The following RSRP1 variants were observed in gnomAD, a reference collection of about 807,000 sequenced individuals.
RSRP1 encodes the protein arginine and serine rich protein 1.
In RSRP1, 37 loss-of-function variants were observed where a neutral mutation model predicts 33.0. The observed-to-expected ratio is 1.12, with a 90% CI of 0.86 to 1.48. The LOEUF (loss-of-function observed/expected upper bound fraction) is 1.48. Among genes scored for constraint, RSRP1 ranks in the 40% most tolerant of loss-of-function variants. The pLI, the probability that RSRP1 is intolerant of heterozygous loss-of-function variation, is 0.00. For synonymous variants in RSRP1, 167 were observed against 158.7 expected, an observed-to-expected ratio of 1.05 and a Z score of -0.40; for missense variants, 402 against 385.3, an observed-to-expected ratio of 1.04 and a Z score of -0.36.
rs1265222311 is a variant in RSRP1, at chr1:25,292,634, G to A, written c.-67+45344C>T. On this transcript the variant is annotated intron_variant, in intron 1 of 1. Coordinates refer to the RSRP1 transcript ENST00000561867. ...AGAGTTCAGTGTCGAATGTGGTAGC[G>A]TTAGGGTTAAGGTTGGGGGAGGGGG... 1.5e-5 allele frequency among the ~76,000 whole-genome samples: 2 copies of A among 129,450 alleles called. 1 individual carries two copies. Among genetic ancestry groups the A allele is most frequent in the Non-Finnish European group, 3.7e-5 (2 of 54,638 alleles). 84.9% of individuals were successfully genotyped at this position (129,450 alleles called of 152,430 possible). A position where few individuals can be genotyped will look rare whatever the true frequency, so the allele number is the denominator to read the frequency against.
In RSRP1 at chr1:25,242,401, CTA is replaced by C. The variant is rs1427425983; in HGVS notation, c.*186_*187del. On this transcript the variant is annotated 3_prime_UTR_variant, in exon 5 of 5. Coordinates refer to ENST00000243189, the MANE Select transcript of RSRP1 (RefSeq NM_020317.5). Reference sequence around the variant, plus strand: ...GTGCATAACCTTTGGTCCATCTGTGCTATCTCTCATATCTGCAAGAGAAACCT... The same window carrying C: ...GTGCATAACCTTTGGTCCATCTGTGCTCTCTCATATCTGCAAGAGAAACCT... The C allele has an allele frequency of 4.3e-6, 2 of 470,326 alleles. No homozygotes were observed. Among genetic ancestry groups the C allele is most frequent in the East Asian group, 3.2e-5 (1 of 30,834 alleles). 29.1% of individuals were successfully genotyped at this position (470,326 alleles called of 1,614,324 possible).
At chr1:25,271,848 G>C (rs1237211005) in intron 1 of RSRP1, among the ~76,000 whole-genome samples, 4 of 131,172 alleles carry the variant, frequency 3.0e-5, no homozygotes, top group African/African-American at 1.0e-4. Flanking sequence ...CCTAAGGCTG[G>C]ATCAGGATCC....
chr1:25,252,532 CTT>C (rs535973265), intron 1 of RSRP1, among the ~76,000 whole-genome samples: 15 of 135,786 alleles, frequency 1.1e-4, no homozygotes, highest in Admixed American at 7.6e-5. Context: ...GGACCCTGAC[CTT>C]TTTTTTTTTT....
chr1:25,332,085 A>T (rs1292586463), intron 1 of RSRP1, among the ~76,000 whole-genome samples: 2 of 116,146 alleles, frequency 1.7e-5, no homozygotes, highest in African/African-American at 5.9e-5. Context: ...CTGTTGCCCA[A>T]CCTGGAGTGC....
chr1:25,329,214 A>C, intron 1 of RSRP1: 1 of 587,562 alleles, frequency 1.7e-6, no homozygotes, highest in South Asian at 1.9e-5. Context: ...CAGTAAGCTA[A>C]GGTTAATTTA....
intron 1 of RSRP1, among the ~76,000 whole-genome samples, chr1:25,333,164 C>T (rs1489341500): frequency 7.6e-6 from 1 of 132,300 alleles, no homozygotes; most frequent in East Asian, 1.9e-4. Flanking sequence ...TCCAAGCCAA[C>T]TGCACGTTGA....
At chr1:25,306,460 T>C in intron 1 of RSRP1, 1 of 869,110 alleles carries the variant, frequency 1.2e-6, no homozygotes, top group South Asian at 1.4e-5. Context: ...CATTCAAGTC[T>C]GAGAAGGGCT....
Position 25,288,340 on chromosome 1 carries a change from C to CT in RSRP1, c.-66-41312dup, listed in dbSNP as rs1258431849. ...CACAGGCACACACCACCACACCTAG[C>CT]TTTTTTTTTTTTTGCTTTTTGTAGA... On this transcript the variant is annotated intron_variant, in intron 1 of 1. Transcript: ENST00000561867. Among the ~76,000 whole-genome samples the CT allele has an allele frequency of 9.7e-3, 1,099 of 113,482 alleles. 130 individuals carry two copies. The highest frequency in any genetic ancestry group is 0.026 in the African/African-American group (884 of 34,130). 74.4% of individuals were successfully genotyped at this position (113,482 alleles called of 152,430 possible). A position where few individuals can be genotyped will look rare whatever the true frequency, so the allele number is the denominator to read the frequency against.
chr1:25,242,653 G>T lies in RSRP1; in HGVS notation c.809C>A (p.Ala270Glu). 1.2e-6 allele frequency: 2 copies of T among 1,612,188 alleles called. No individual in the cohort carries two copies. The highest frequency in any genetic ancestry group is 1.3e-5 in the African/African-American group (1 of 75,028). Reference protein sequence around the residue: ...QKSAKAATEEASSRSPKIDQK... With the variant: ...QKSAKAATEEESSRSPKIDQK... ...ATCTATTTTTGGTGATCTTGAAGAT[G>T]CCTCTTCTGTGGCAGCTTTAGCTGA... Residue 270 changes from alanine (A) to glutamate (E), a missense_variant, in exon 5 of 5, where the codon GCA becomes GAA. Ala to Glu is a moderately radical substitution (Grantham distance 107, BLOSUM62 -1). Coordinates refer to ENST00000243189, the MANE Select transcript of RSRP1 (RefSeq NM_020317.5).
At chr1:25,312,921 A>T (rs1385768946) in intron 1 of RSRP1, among the ~76,000 whole-genome samples, 16 of 42,774 alleles carry the variant, frequency 3.7e-4, no homozygotes, top group Non-Finnish European at 4.9e-4. Flanking sequence ...TCCCATCTCT[A>T]AAAAAAAAAA....
At chr1:25,290,808 G>C (rs1642437370) in intron 1 of RSRP1, 1 of 1,375,908 alleles carries the variant, frequency 7.3e-7, no homozygotes, top group Non-Finnish European at 1.0e-6. Context: ...CATGGTGCTG[G>C]GAGGAGGGAC....
rs2124599390 is a variant in RSRP1, at chr1:25,278,125, C to A, written c.-66-31096G>T. ...CTGGTCTGGATGACCTGTGATGAGA[C>A]CAGATGGGCAGGGGCAGTGGAGGAG... On this transcript the variant is annotated intron_variant, in intron 1 of 1. Transcript: ENST00000561867. Among the ~76,000 whole-genome samples the A allele has an allele frequency of 5.4e-5, 7 of 129,418 alleles. 1 individual carries two copies. The highest frequency in any genetic ancestry group is 1.8e-4 in the African/African-American group (7 of 38,084). 84.9% of individuals were successfully genotyped at this position (129,418 alleles called of 152,430 possible). A position where few individuals can be genotyped will look rare whatever the true frequency, so the allele number is the denominator to read the frequency against.
intron 1 of RSRP1, among the ~76,000 whole-genome samples, chr1:25,304,998 T>C (rs1643685777): frequency 7.5e-6 from 1 of 132,524 alleles, no homozygotes; most frequent in Non-Finnish European, 1.8e-5. Context: ...ATTCAACACA[T>C]ACGTTTTAAC....
chr1:25,281,988 G>A lies in RSRP1; in HGVS notation c.-66-34959C>T, dbSNP rs370512341. On this transcript the variant is annotated intron_variant, in intron 1 of 1. Transcript: ENST00000561867. ...AATGAGAGCTTCTCATTGTTATCAA[G>A]GCCAGGGCTGGAGACCAGTGGCAGG... Among the ~76,000 whole-genome samples, 7 of 132,314 alleles carry A rather than the reference G, an allele frequency of 5.3e-5. 1 individual carries two copies. Among genetic ancestry groups the A allele is most frequent in the Admixed American group, 2.2e-4 (3 of 13,580 alleles). 86.8% of individuals were successfully genotyped at this position (132,314 alleles called of 152,430 possible).
chr1:25,259,794 G>A (rs1232534491), intron 1 of RSRP1, among the ~76,000 whole-genome samples: 4 of 152,038 alleles, frequency 2.6e-5, no homozygotes, highest in Non-Finnish European at 5.9e-5. Flanking sequence ...GTGAGCCACC[G>A]TGCCCAGCCT....
At chr1:25,277,009 G>A (rs1478981916) in intron 1 of RSRP1, among the ~76,000 whole-genome samples, 1 of 132,298 alleles carries the variant, frequency 7.6e-6, no homozygotes, top group African/African-American at 2.6e-5. Flanking sequence ...GGAGCTTTCA[G>A]TGAGCTGAGA....
rs1174580024 is a variant in RSRP1 at position 25,332,895 on chromosome 1, A to G, written c.-67+5083T>C. Reference sequence around the variant, plus strand: ...ATTACAGAGGCTGAGAAGTCCCACAACAGATTGTCTGCAAGCTGGAGACCC... The same window carrying G: ...ATTACAGAGGCTGAGAAGTCCCACAGCAGATTGTCTGCAAGCTGGAGACCC... On this transcript the variant is annotated intron_variant, in intron 1 of 1. Transcript: ENST00000561867. 2.6e-4 allele frequency among the ~76,000 whole-genome samples: 35 copies of G among 132,498 alleles called. 10 individuals carry two copies. Among genetic ancestry groups the G allele is most frequent in the Admixed American group, 1.1e-3 (15 of 13,620 alleles). 86.9% of individuals were successfully genotyped at this position (132,498 alleles called of 152,430 possible). A position where few individuals can be genotyped will look rare whatever the true frequency, so the allele number is the denominator to read the frequency against.
upstream of RSRP1, among the ~76,000 whole-genome samples, chr1:25,250,936 G>A (rs1639758333): frequency 1.3e-5 from 2 of 152,080 alleles, no homozygotes. Context: ...TTGAATCCAG[G>A]AGGCGGAGGT....
intron 1 of RSRP1, among the ~76,000 whole-genome samples, chr1:25,282,843 C>T (rs1270972358): frequency 1.5e-5 from 2 of 129,204 alleles, no homozygotes; most frequent in Non-Finnish European, 3.7e-5. Context: ...TGCAGCGAGC[C>T]GAGATCGCAC....
Sources: allele counts gnomAD v4.1 joint callset (sites outside exome capture counted in the v4.1 genomes callset), GRCh38; gene constraint gnomAD v4.1.1; transcripts MANE v1.5; gene names NCBI Gene and HGNC (gene_info 2026-07-23, HGNC 2026-07-21).